KANK1: variants seen among roughly 807,000 people sequenced by gnomAD.
KANK1 encodes KN motif and ankyrin repeat domains 1.
A neutral mutation model predicts 106.2 loss-of-function variants in KANK1; 109 were observed. The observed-to-expected ratio is 1.03, with a 90% CI of 0.88 to 1.20. KANK1 has a LOEUF of 1.20. Ranked by LOEUF, KANK1 falls within the 50% of genes most tolerant of loss-of-function variation. The pLI is 0.00. For missense variants in KANK1, 2,399 were observed against 1,710.7 expected (o/e 1.40, Z -7.10); for synonymous variants, 873 against 652.2 (o/e 1.34, Z -5.16).
At chr9:632,458 G>T (rs532187642) in intron 1 of KANK1, among the ~76,000 whole-genome samples, 144 of 152,256 alleles carry the variant, frequency 9.5e-4, no homozygotes, top group Non-Finnish European at 1.4e-3. Context: ...ATTATTGAGA[G>T]CATGGAAAAG....
At chr9:679,515 A>G (rs980567570) in intron 2 of KANK1, among the ~76,000 whole-genome samples, 6 of 152,150 alleles carry the variant, frequency 3.9e-5, no homozygotes, top group East Asian at 1.9e-4. Flanking sequence ...CCTGGGTTCA[A>G]GTGATTCTTG....
rs556855214 is a variant in KANK1 at position 570,185 on chromosome 9, A to G, written c.-84+65431A>G. Among the ~76,000 whole-genome samples, 11 of 152,284 alleles carry G rather than the reference A, an allele frequency of 7.2e-5. No individual in the cohort carries two copies. The East Asian group carries it at 1.9e-3, about 27-fold the overall frequency. ...TGGAGAATGTATTATTCTTTGGCCT[A>G]GTATGATTGTGTGTGTACATTTGGG... On this transcript the variant is annotated intron_variant, in intron 1 of 11. Transcript: ENST00000382297.
intron 1 of KANK1, among the ~76,000 whole-genome samples, chr9:634,749 C>G (rs1010774083): frequency 1.3e-5 from 2 of 152,186 alleles, no homozygotes; most frequent in African/African-American, 4.8e-5. Flanking sequence ...GCCTGTGAGG[C>G]CAGAAGCAAG....
intron 2 of KANK1, among the ~76,000 whole-genome samples, chr9:703,710 T>A (rs988875777): frequency 2.0e-5 from 3 of 151,902 alleles, no homozygotes; most frequent in Non-Finnish European, 4.4e-5. Context: ...TTTTTTTTTT[T>A]AAACTGCTCT....
At chr9:684,600 T>C in intron 2 of KANK1, 1 of 984,692 alleles carries the variant, frequency 1.0e-6, no homozygotes, top group East Asian at 1.1e-4. Flanking sequence ...TATTTCTGAT[T>C]ATGCACTTCC....
At position 658,667 on chromosome 9, in the gene KANK1, G is replaced by A. The variant is rs953986882; in HGVS notation, c.-83-18223G>A. Among the ~76,000 whole-genome samples the A allele has an allele frequency of 3.9e-5, 6 of 152,006 alleles. No individual in the cohort carries two copies. The East Asian group carries it at 7.7e-4, about 20-fold the overall frequency. ...AATTAACTTTTGTATAAGACAGACG[G>A]TTAAGAAGATTCATTATTTTGACTA... is the stretch of plus-strand genomic sequence containing the variant. On this transcript the variant is annotated intron_variant, in intron 1 of 11. Coordinates refer to ENST00000382297, the MANE Select transcript of KANK1 (RefSeq NM_015158.5).
intron 1 of KANK1, among the ~76,000 whole-genome samples, chr9:533,251 T>G (rs2060146367): frequency 6.6e-6 from 1 of 152,202 alleles, no homozygotes; most frequent in South Asian, 2.1e-4. Context: ...TAGAATCTGT[T>G]GCTAATCACT....
intron 3 of KANK1, among the ~76,000 whole-genome samples, chr9:718,548 A>C (rs1589161619): frequency 6.6e-6 from 1 of 151,954 alleles, no homozygotes; most frequent in Non-Finnish European, 1.5e-5. Flanking sequence ...GGGCTCAAGC[A>C]ATTCGCCTGC....
chr9:612,030 C>G (rs967356629), intron 1 of KANK1, among the ~76,000 whole-genome samples: 1 of 152,154 alleles, frequency 6.6e-6, no homozygotes, highest in Non-Finnish European at 1.5e-5. Context: ...CCATCTAACT[C>G]TTATGTGCCC....
chr9:732,441 C>T lies in KANK1; in HGVS notation c.3069C>T (p.Asp1023=), dbSNP rs747403680. ...AAAGCTCTTCTTCCGAGTCAGATGA[C>T]GAGTGTGATGTCATTGAGTATCCTC... ...SDESSSSESD[D]ECDVIEYPLE... is the part of the protein sequence containing the mutation. Residue 1023 remains aspartate (D), a synonymous_variant, in exon 6 of 12, where the codon GAC becomes GAT. Transcript: ENST00000382297. 28 of 1,613,878 alleles carry T rather than the reference C, an allele frequency of 1.7e-5. No homozygotes were observed. The highest frequency in any genetic ancestry group is 9.9e-5 in the South Asian group (9 of 91,076).
chr9:726,149 C>T (rs1049917081), intron 3 of KANK1, among the ~76,000 whole-genome samples: 2 of 151,358 alleles, frequency 1.3e-5, no homozygotes, highest in Admixed American at 6.6e-5. Flanking sequence ...TTTTTTTTCC[C>T]ATGAGTCAAA....
intron 1 of KANK1, among the ~76,000 whole-genome samples, chr9:621,688 C>T (rs905748823): frequency 2.2e-4 from 34 of 152,142 alleles, no homozygotes; most frequent in African/African-American, 7.5e-4. Context: ...CCTTCGCTCT[C>T]AGCAAGAGCA....
chr9:515,679 A>G (rs1010259892), intron 1 of KANK1, among the ~76,000 whole-genome samples: 9 of 151,942 alleles, frequency 5.9e-5, no homozygotes, highest in African/African-American at 1.5e-4. Flanking sequence ...ATCATGTTCT[A>G]TAGTTTCCAG....
intron 1 of KANK1, among the ~76,000 whole-genome samples, chr9:512,917 C>G (rs539854268): frequency 2.6e-5 from 4 of 152,120 alleles, no homozygotes; most frequent in Non-Finnish European, 5.9e-5. Flanking sequence ...TTTTAGTTGT[C>G]TTCTTTTGGT....
At chr9:701,968 G>T (rs1822785756) in intron 2 of KANK1, among the ~76,000 whole-genome samples, 1 of 152,158 alleles carries the variant, frequency 6.6e-6, no homozygotes, top group Non-Finnish European at 1.5e-5. Context: ...CTGTTCTTGA[G>T]GCAGTAAATT....
chr9:598,494 A>G (rs778759547), intron 1 of KANK1, among the ~76,000 whole-genome samples: 7 of 151,124 alleles, frequency 4.6e-5, no homozygotes, highest in Non-Finnish European at 8.8e-5. Flanking sequence ...ATCCATGAAT[A>G]TAGGATGTAT....
rs111634336 is a variant in KANK1, at chr9:607,354, G to A, written c.-83-69536G>A. ...TACAAAAATTAGCTGGTGTGGCGACGCACACCTGTAGTCCCAGCTATTTGG... is the reference window on the plus strand; with the variant it reads ...TACAAAAATTAGCTGGTGTGGCGACACACACCTGTAGTCCCAGCTATTTGG... On this transcript the variant is annotated intron_variant, in intron 1 of 11. Transcript: ENST00000382297. 6.1e-3 allele frequency among the ~76,000 whole-genome samples: 924 copies of A among 151,502 alleles called. 33 individuals carry two copies. The highest frequency in any genetic ancestry group is 0.021 in the African/African-American group (862 of 40,916).
intron 1 of KANK1, among the ~76,000 whole-genome samples, chr9:580,463 T>A (rs1020773708): frequency 4.6e-5 from 7 of 152,212 alleles, no homozygotes; most frequent in African/African-American, 1.7e-4. Context: ...TCCTGTTGAT[T>A]GGTCAATTTT....
chr9:510,509 A>G (rs752138050), intron 1 of KANK1, among the ~76,000 whole-genome samples: 2 of 152,160 alleles, frequency 1.3e-5, no homozygotes, highest in Non-Finnish European at 2.9e-5. Flanking sequence ...TTCCCCCAAA[A>G]GTAAGACTTG....
Sources: gnomAD v4.1 joint callset for allele counts (sites outside exome capture counted in the v4.1 genomes callset) on GRCh38, gnomAD v4.1.1 for gene constraint, MANE v1.5 for transcripts, NCBI Gene and HGNC (gene_info 2026-07-23, HGNC 2026-07-21) for gene names.